Variants in STPG2 observed in about 807,000 individuals in gnomAD.
The protein encoded by STPG2 is sperm-tail PG-rich repeat-containing protein 2.
Under a neutral mutation model 54.2 loss-of-function variants are expected in STPG2, and 56 were observed. The ratio of observed to expected loss-of-function variants is 1.03; its 90% CI spans 0.83 to 1.29. The LOEUF is 1.29. STPG2 is among the 50% of genes most tolerant of loss of function. STPG2 has a pLI of 0.00. For missense variants in STPG2, 596 were observed against 544.9 expected (o/e 1.09, Z -0.93); for synonymous variants, 200 against 181.8 (o/e 1.10, Z -0.81).
chr4:97,678,275 A>T (rs1255633262), intron 10 of STPG2, among the ~76,000 whole-genome samples: 1 of 152,174 alleles, frequency 6.6e-6, no homozygotes, highest in Admixed American at 6.5e-5. Context: ...TAATTAATAG[A>T]TGTACATTAA....
intron 4 of STPG2, among the ~76,000 whole-genome samples, chr4:97,539,857 C>A (rs757023832): frequency 3.5e-4 from 54 of 152,306 alleles, no homozygotes; most frequent in Non-Finnish European, 6.5e-4. Flanking sequence ...GGAATCTGAA[C>A]AACCTGCTCC....
chr4:97,554,897 T>C (rs935524337), downstream of STPG2, among the ~76,000 whole-genome samples: 1 of 152,152 alleles, frequency 6.6e-6, no homozygotes, highest in African/African-American at 2.4e-5. Flanking sequence ...GGCCAGAATA[T>C]GTCACTTGAA....
At chr4:97,953,265 G>A (rs1206243374) in intron 7 of STPG2, among the ~76,000 whole-genome samples, 1 of 152,156 alleles carries the variant, frequency 6.6e-6, no homozygotes, top group Non-Finnish European at 1.5e-5. Context: ...CAGGGAGTCA[G>A]GAGTAGCAGG....
At chr4:97,912,664 CA>C (rs1403512889) in intron 8 of STPG2, among the ~76,000 whole-genome samples, 1 of 152,142 alleles carries the variant, frequency 6.6e-6, no homozygotes, top group Non-Finnish European at 1.5e-5. Context: ...AAAGGAATAA[CA>C]AAGCCTCCAA....
At chr4:98,082,405 C>A (rs1383778408) in intron 5 of STPG2, among the ~76,000 whole-genome samples, 2 of 111,682 alleles carry the variant, frequency 1.8e-5, no homozygotes, top group South Asian at 3.5e-4. Context: ...GGTCGCTTTT[C>A]TTCCCATCTT....
chr4:97,932,470 G>A (rs986851126), intron 8 of STPG2, among the ~76,000 whole-genome samples: 3 of 152,066 alleles, frequency 2.0e-5, no homozygotes, highest in African/African-American at 7.2e-5. Context: ...TCATCAACTA[G>A]GTATTAAGCC....
intron 5 of STPG2, among the ~76,000 whole-genome samples, chr4:98,062,426 G>A (rs536127629): frequency 7.9e-5 from 12 of 151,962 alleles, no homozygotes; most frequent in South Asian, 6.2e-4. Context: ...ACAAACTTTC[G>A]CATGTACCCC....
chr4:97,970,987 G>C (rs1441368200), intron 7 of STPG2, among the ~76,000 whole-genome samples: 2 of 152,156 alleles, frequency 1.3e-5, no homozygotes, highest in Non-Finnish European at 2.9e-5. Flanking sequence ...CCAGCAAAAA[G>C]TGGGCAAAGG....
rs139836757 is a variant in STPG2 at position 97,943,833 on chromosome 4, T to C, written c.1044+64A>G. On this transcript the variant is annotated intron_variant, in intron 8 of 10. Transcript: ENST00000295268. The stretch of plus-strand genomic sequence containing the variant: ...CACTCAGGTCCTAATATAATGTTTA[T>C]GTTATGCAGCCTCCTCCATGATTTC... 1.3e-5 allele frequency: 16 copies of C among 1,262,538 alleles called. No homozygotes were observed. The Admixed American group carries it at 3.9e-4, about 30-fold the overall frequency. The allele number at this position is 1,262,538 out of a possible 1,614,324, so 78.2% of individuals were successfully genotyped here.
intron 8 of STPG2, among the ~76,000 whole-genome samples, chr4:97,910,863 G>T (rs1731652109): frequency 6.6e-6 from 1 of 152,198 alleles, no homozygotes. Context: ...GGCAGGCCAA[G>T]ATGACCAATT....
intron 9 of STPG2, among the ~76,000 whole-genome samples, chr4:97,833,904 C>T (rs1282585048): frequency 6.6e-6 from 1 of 152,064 alleles, no homozygotes; most frequent in Non-Finnish European, 1.5e-5. Context: ...TGCTTTTACA[C>T]TGTTGGGAGT....
intron 7 of STPG2, among the ~76,000 whole-genome samples, chr4:97,955,408 G>T (rs1377839591): frequency 1.3e-5 from 2 of 151,848 alleles, no homozygotes; most frequent in African/African-American, 4.8e-5. Flanking sequence ...GTAGAGACGG[G>T]GTTTCACTGT....
At chr4:98,004,993 T>C (rs1735533881) in intron 5 of STPG2, among the ~76,000 whole-genome samples, 1 of 151,998 alleles carries the variant, frequency 6.6e-6, no homozygotes. Flanking sequence ...AGCTTTTTAG[T>C]TTATTGCAAT....
intron 9 of STPG2, among the ~76,000 whole-genome samples, chr4:97,781,482 A>C (rs1280816353): frequency 6.6e-6 from 1 of 152,210 alleles, no homozygotes; most frequent in African/African-American, 2.4e-5. Flanking sequence ...ATGGATTCAC[A>C]GCCGAATTCT....
At chr4:97,482,351 T>G (rs1195201978) in intron 4 of STPG2, among the ~76,000 whole-genome samples, 1 of 151,436 alleles carries the variant, frequency 6.6e-6, no homozygotes, top group African/African-American at 2.4e-5. Flanking sequence ...AAGAAATAGA[T>G]AGCATAAAGA....
intron 5 of STPG2, among the ~76,000 whole-genome samples, chr4:98,070,482 C>T (rs1737968023): frequency 6.6e-6 from 1 of 152,074 alleles, no homozygotes; most frequent in South Asian, 2.1e-4. Context: ...TCTCTCACCA[C>T]TCCTATTCAG....
chr4:98,093,897 T>C (rs568631530), intron 5 of STPG2, among the ~76,000 whole-genome samples: 8 of 152,322 alleles, frequency 5.3e-5, no homozygotes, highest in South Asian at 2.1e-4. Flanking sequence ...ATCCCAGTGG[T>C]TGGAACTAGA....
At position 97,864,498 on chromosome 4, in the gene STPG2, G is replaced by A. The variant is rs534326114; in HGVS notation, c.1045-23566C>T. Among the ~76,000 whole-genome samples the A allele has an allele frequency of 2.3e-4, 35 of 152,194 alleles. No individual in the cohort carries two copies. In the South Asian group the frequency reaches 7.1e-3, roughly 31 times the overall value. On this transcript the variant is annotated intron_variant, in intron 8 of 10. Coordinates refer to ENST00000295268, the MANE Select transcript of STPG2 (RefSeq NM_174952.3). ...CATGGATAGGAAGAATCAATATCGT[G>A]AAAATGGCCATACTGCCCAAGGTAA...
intron 5 of STPG2, among the ~76,000 whole-genome samples, chr4:98,072,375 A>G (rs564333337): frequency 1.3e-5 from 2 of 152,220 alleles, no homozygotes; most frequent in Admixed American, 1.3e-4. Context: ...AAATGGACAC[A>G]TGGCAGGGAA....
Sources: allele counts gnomAD v4.1 joint callset (sites outside exome capture counted in the v4.1 genomes callset), GRCh38; gene constraint gnomAD v4.1.1; transcripts MANE v1.5; gene names NCBI Gene and HGNC (gene_info 2026-07-23, HGNC 2026-07-21).